Variants in TENM2 observed in about 807,000 individuals in gnomAD.
TENM2 encodes the protein teneurin transmembrane protein 2.
In TENM2, 52 loss-of-function variants were observed where a neutral mutation model predicts 245.2. The observed-to-expected ratio is 0.21, with a 90% CI of 0.17 to 0.27. The LOEUF is 0.27. Among genes scored for constraint, TENM2 ranks in the 10% least tolerant of loss-of-function variants. TENM2 has a pLI of 1.00. For missense variants in TENM2, 3,046 were observed against 3,666.8 expected (o/e 0.83, Z 4.37); for synonymous variants, 1,363 against 1,438.9 (o/e 0.95, Z 1.19).
chr5:167,427,434 CAA>C (rs1763898713), intron 2 of TENM2, among the ~76,000 whole-genome samples: 1 of 145,056 alleles, frequency 6.9e-6, no homozygotes, highest in East Asian at 2.1e-4. Context: ...GCCTGGGTGA[CAA>C]GAGTGAAACA....
chr5:167,778,005 C>T (rs1763930077), intron 2 of TENM2, among the ~76,000 whole-genome samples: 1 of 152,182 alleles, frequency 6.6e-6, no homozygotes, highest in South Asian at 2.1e-4. Flanking sequence ...CTGGTCCTGG[C>T]TGCTTCCTTG....
chr5:167,003,174 T>G, the TENM2 span, among the ~76,000 whole-genome samples: 1 of 152,194 alleles, frequency 6.6e-6, no homozygotes, highest in Non-Finnish European at 1.5e-5. Context: ...ATGCAAGTGA[T>G]ACCAAGTACT....
At chr5:167,322,717 G>A (rs1040319195) in intron 1 of TENM2, among the ~76,000 whole-genome samples, 2 of 152,088 alleles carry the variant, frequency 1.3e-5, no homozygotes, top group East Asian at 1.9e-4. Flanking sequence ...TTCCTTTTAC[G>A]TACTTAACCA....
Position 168,207,021 on chromosome 5 carries a change from T to C in TENM2, c.3824+2400T>C, listed in dbSNP as rs1762402332. ...TCACATCCACCTGCAAGGCCCAGTG[T>C]CAGGGCCCCCTCTTCCACGTAGCCT... On this transcript the variant is annotated intron_variant, in intron 19 of 28. Coordinates refer to ENST00000518659, the Ensembl canonical transcript of TENM2. 2.0e-5 allele frequency among the ~76,000 whole-genome samples: 3 copies of C among 152,276 alleles called. No individual in the cohort carries two copies. The South Asian group carries it at 6.2e-4, about 32-fold the overall frequency.
chr5:167,586,914 G>T (rs1312053535), intron 2 of TENM2, among the ~76,000 whole-genome samples: 1 of 152,162 alleles, frequency 6.6e-6, no homozygotes, highest in East Asian at 1.9e-4. Context: ...TTTTCAATTT[G>T]GAAAGTGCAT....
At chr5:167,072,147 C>G in the TENM2 span, among the ~76,000 whole-genome samples, 1 of 152,174 alleles carries the variant, frequency 6.6e-6, no homozygotes, top group Admixed American at 6.5e-5. Context: ...TACACACTGC[C>G]TTGGACAGGC....
the TENM2 span, among the ~76,000 whole-genome samples, chr5:167,115,192 A>T: frequency 1.3e-5 from 2 of 152,314 alleles, no homozygotes; most frequent in African/African-American, 4.8e-5. Context: ...GGAGACTCCG[A>T]AGAAGTTAGG....
chr5:168,062,261 C>T, exon 7 of TENM2: 1 of 1,613,066 alleles, frequency 6.2e-7, no homozygotes, highest in Non-Finnish European at 8.5e-7. Context: ...CCATCTCATG[C>T]CCAGGTATGA....
chr5:167,242,680 TCTTG>T, the TENM2 span, among the ~76,000 whole-genome samples: 1 of 152,230 alleles, frequency 6.6e-6, no homozygotes, highest in Non-Finnish European at 1.5e-5. Flanking sequence ...TTTTATTTTC[TCTTG>T]CTTTATTGTA....
chr5:167,398,677 T>C (rs2127381349), intron 2 of TENM2, among the ~76,000 whole-genome samples: 2 of 152,182 alleles, frequency 1.3e-5, no homozygotes, highest in Middle Eastern at 3.4e-3. Context: ...TGACCTCAAG[T>C]TATCCACCTG....
chr5:167,718,281 C>A (rs145540798), intron 2 of TENM2, among the ~76,000 whole-genome samples: 56 of 152,292 alleles, frequency 3.7e-4, no homozygotes, highest in African/African-American at 1.3e-3. Flanking sequence ...AGGACCTCAC[C>A]TGAAGCTGTG....
At chr5:168,237,070 C>A (rs1765573339) in intron 25 of TENM2, among the ~76,000 whole-genome samples, 1 of 115,432 alleles carries the variant, frequency 8.7e-6, no homozygotes, top group Admixed American at 1.0e-4. Flanking sequence ...GGCTGGAGTG[C>A]AGTGGCACAA....
rs370994752 is a variant in TENM2, at chr5:167,690,101, CTTTT to C, written c.503-185862_503-185859del. Among the ~76,000 whole-genome samples the C allele has an allele frequency of 8.9e-3, 1,064 of 119,916 alleles. 19 individuals carry two copies. The highest frequency in any genetic ancestry group is 0.027 in the African/African-American group (909 of 33,284). 78.7% of individuals were successfully genotyped at this position (119,916 alleles called of 152,430 possible). Reference sequence around the variant, plus strand: ...AGGCGAAATTTAGGAAAAAAACACACTTTTTTTTTTTTTTTTTTTTTTTTTTAGT... The same window carrying C: ...AGGCGAAATTTAGGAAAAAAACACACTTTTTTTTTTTTTTTTTTTTTTAGT... On this transcript the variant is annotated intron_variant, in intron 2 of 28. Coordinates refer to ENST00000518659, the Ensembl canonical transcript of TENM2.
At chr5:167,046,245 T>G in the TENM2 span, among the ~76,000 whole-genome samples, 1 of 152,012 alleles carries the variant, frequency 6.6e-6, no homozygotes, top group Non-Finnish European at 1.5e-5. Context: ...ACAAACACTC[T>G]CAGAGATGTA....
intron 14 of TENM2, among the ~76,000 whole-genome samples, chr5:168,191,759 A>G (rs1423299339): frequency 6.6e-6 from 1 of 152,114 alleles, no homozygotes; most frequent in Non-Finnish European, 1.5e-5. Flanking sequence ...ACCTAACTTT[A>G]TAAGTGATTC....
chr5:167,207,276 A>G, the TENM2 span, among the ~76,000 whole-genome samples: 7 of 152,180 alleles, frequency 4.6e-5, no homozygotes, highest in Non-Finnish European at 1.0e-4. Context: ...GCCTGTAAGG[A>G]GGCCATACAC....
At chr5:168,166,065 C>A (rs1270873618) in intron 13 of TENM2, 2 of 152,132 alleles carry the variant, frequency 1.3e-5, no homozygotes, top group African/African-American at 4.8e-5. Context: ...CAGATTCAAT[C>A]CTGCAGCACA....
At chr5:167,810,306 A>G (rs2150989230) in intron 2 of TENM2, among the ~76,000 whole-genome samples, 1 of 152,200 alleles carries the variant, frequency 6.6e-6, no homozygotes, top group East Asian at 1.9e-4. Context: ...AAATTACTAA[A>G]TCACGGTGTT....
intron 5 of TENM2, among the ~76,000 whole-genome samples, chr5:168,016,000 C>G (rs1785619612): frequency 6.6e-6 from 1 of 152,082 alleles, no homozygotes; most frequent in Non-Finnish European, 1.5e-5. Flanking sequence ...AATCAAGAGG[C>G]CTATATTCCC....
Sources: gnomAD v4.1 joint callset for allele counts (sites outside exome capture counted in the v4.1 genomes callset) on GRCh38, gnomAD v4.1.1 for gene constraint, MANE v1.5 for transcripts, NCBI Gene and HGNC (gene_info 2026-07-23, HGNC 2026-07-21) for gene names.